The following RAC2 variants were observed in gnomAD, a reference collection of about 807,000 sequenced individuals.
RAC2 encodes the protein ras-related C3 botulinum toxin substrate 2.
RAC2 carries 1 observed loss-of-function variant against 24.0 expected under a neutral mutation model. That is an observed-to-expected ratio of 0.04 (90% CI 0.01 to 0.20). The LOEUF is 0.20. RAC2 is among the 10% of genes least tolerant of loss of function. The pLI, the probability that RAC2 is intolerant of heterozygous loss-of-function variation, is 1.00. For missense variants in RAC2, 130 were observed against 259.1 expected (o/e 0.50, Z 3.42); for synonymous variants, 114 against 106.8 (o/e 1.07, Z -0.41).
chr22:37,242,318 G>C (rs781473734), intron 1 of RAC2, among the ~76,000 whole-genome samples: 22 of 152,286 alleles, frequency 1.4e-4, no homozygotes, highest in Non-Finnish European at 2.6e-4. Flanking sequence ...GTGAGGCTTT[G>C]GGCAAATTAC....
At chr22:37,226,537 C>T (rs4820277) in intron 6 of RAC2, 134 bp downstream of exon 6, 65 of 1,200,250 alleles carry the variant, frequency 5.4e-5, no homozygotes, top group South Asian at 4.1e-4. Context: ...AAGTAGGCTG[C>T]GGAAACTGAG....
Position 37,232,000 on chromosome 22 carries a change from G to A in RAC2, c.226-6C>T. ...AAGCAGATGAGGAAGACGTCCTGGG[G>A]ACAGAGCAAGCGAGGTTGCTAGTGA... On this transcript the variant is annotated splice_region_variant and splice_polypyrimidine_tract_variant and intron_variant, in intron 3 of 6. Transcript: ENST00000249071. The surrounding 1 kb of genome is among the most constrained non-coding windows in gnomAD (Gnocchi z 5.5). 6.5e-7 allele frequency: 1 copy of A among 1,530,680 alleles called. No individual in the cohort carries two copies. The highest frequency in any genetic ancestry group is 1.2e-5 in the South Asian group (1 of 83,474). The allele number at this position is 1,530,680 out of a possible 1,614,324, so 94.8% of individuals were successfully genotyped here. A position where few individuals can be genotyped will look rare whatever the true frequency, so the allele number is the denominator to read the frequency against.
Position 37,231,841 on chromosome 22 carries a change from C to G in RAC2, c.288+91G>C. ...CCTCTCTGTATGCGACCTCTGCTGC[C>G]CCAGGGACCAGCCTAGAGTCACCAG... On this transcript the variant is annotated intron_variant, in intron 4 of 6. Transcript: ENST00000249071. The surrounding 1 kb of genome is among the most constrained non-coding windows in gnomAD (Gnocchi z 5.5). The G allele has an allele frequency of 7.0e-7, 1 of 1,436,684 alleles. No homozygotes were observed. The highest frequency in any genetic ancestry group is 1.2e-5 in the South Asian group (1 of 81,780). The allele number at this position is 1,436,684 out of a possible 1,614,324, so 89.0% of individuals were successfully genotyped here.
In RAC2 at chr22:37,226,844, CG is replaced by C. The variant is rs768166435; in HGVS notation, c.449-42del. 1.2e-4 allele frequency: 194 copies of C among 1,596,446 alleles called. 3 individuals carry two copies. The African/African-American group carries it at 1.3e-3, about 11-fold the overall frequency. Reference sequence around the variant, plus strand: ...GACAGGAGAGCCAAGGCCTAAGTGGCGGGGGGGGTTCTGGGCCAACATGTCT... The same window carrying C: ...GACAGGAGAGCCAAGGCCTAAGTGGCGGGGGGGTTCTGGGCCAACATGTCT... On this transcript the variant is annotated intron_variant, in intron 5 of 6. Transcript: ENST00000249071.
At chr22:37,228,078 C>T (rs1926938987) in intron 5 of RAC2, among the ~76,000 whole-genome samples, 1 of 152,190 alleles carries the variant, frequency 6.6e-6, no homozygotes, top group African/African-American at 2.4e-5. Context: ...CCCTCAGGGC[C>T]CCCTCCCCAG....
At chr22:37,226,627 C>A in intron 6 of RAC2, 44 bp downstream of exon 6, 1 of 1,605,888 alleles carries the variant, frequency 6.2e-7, no homozygotes, top group East Asian at 2.2e-5. Context: ...TCAGCCAGGG[C>A]CTGCTGTGTA....
intron 1 of RAC2, among the ~76,000 whole-genome samples, 167 bp downstream of exon 1, chr22:37,243,947 C>G (rs1301098675): frequency 6.6e-6 from 1 of 152,132 alleles, no homozygotes; most frequent in African/African-American, 2.4e-5. Flanking sequence ...CCTCAGCCCA[C>G]CCCCGGGTGC....
intron 2 of RAC2, among the ~76,000 whole-genome samples, chr22:37,237,185 CAGGAAGGAAGGA>C (rs892658974): frequency 8.0e-6 from 1 of 125,530 alleles, no homozygotes; most frequent in Non-Finnish European, 1.6e-5. Context: ...GAGACTCCGT[CAGGAAGGAAGGA>C]AGGAAGGGAG....
intron 5 of RAC2, among the ~76,000 whole-genome samples, chr22:37,229,411 CA>C (rs1438877676): frequency 6.6e-6 from 1 of 152,198 alleles, no homozygotes; most frequent in African/African-American, 2.4e-5. Context: ...AAGCCAGCAA[CA>C]TGTCCCCCCG....
chr22:37,234,072 G>A (rs1220360240), intron 2 of RAC2, among the ~76,000 whole-genome samples: 3 of 152,050 alleles, frequency 2.0e-5, no homozygotes, highest in Non-Finnish European at 4.4e-5. Context: ...GCCCTGCAGG[G>A]CCATCGAACG....
chr22:37,240,771 G>T (rs946695625), intron 2 of RAC2: 1 of 495,414 alleles, frequency 2.0e-6, no homozygotes, highest in African/African-American at 1.9e-5. Context: ...CCGGAGGAGG[G>T]GGCACTGGAG....
At position 37,241,703 on chromosome 22, in the gene RAC2, C is replaced by T. The variant is rs199795253; in HGVS notation, c.36-45G>A. 28 of 1,560,286 alleles carry T rather than the reference C, an allele frequency of 1.8e-5. No individual in the cohort carries two copies. The East Asian group carries it at 1.8e-4, about 10-fold the overall frequency. ...AGAGGGCGGCGGTCATGGGCTCTGC[C>T]GGAGACGTGGGGAGGTTTCTGCCTG... On this transcript the variant is annotated intron_variant, in intron 1 of 6. Transcript: ENST00000249071.
At chr22:37,233,278 TTTTG>T (rs1207160096) in intron 2 of RAC2, among the ~76,000 whole-genome samples, 1 of 144,208 alleles carries the variant, frequency 6.9e-6, no homozygotes, top group Non-Finnish European at 1.5e-5. Flanking sequence ...TTTTGTTGTT[TTTTG>T]TTTGTTTGTT....
At chr22:37,234,775 C>T (rs908245415) in intron 2 of RAC2, among the ~76,000 whole-genome samples, 1 of 152,174 alleles carries the variant, frequency 6.6e-6, no homozygotes, top group Non-Finnish European at 1.5e-5. Context: ...CTCCAGGCTG[C>T]CCAGCCCTCC....
chr22:37,237,600 G>T (rs146048269), intron 2 of RAC2, among the ~76,000 whole-genome samples: 3 of 152,108 alleles, frequency 2.0e-5, no homozygotes, highest in African/African-American at 7.2e-5. Flanking sequence ...GGCTGGATTC[G>T]CCAGTTTACC....
chr22:37,231,116 A>T lies in RAC2; in HGVS notation c.448+115T>A. On this transcript the variant is annotated intron_variant, in intron 5 of 6. Coordinates refer to ENST00000249071, the MANE Select transcript of RAC2 (RefSeq NM_002872.5). The surrounding 1 kb of genome is among the most constrained non-coding windows in gnomAD (Gnocchi z 5.5). ...AGGTCACACAGCAAGTGCACAGCACAGCTGAGTTCAAACTGCACAGCCTGG... is the reference window on the plus strand; with the variant it reads ...AGGTCACACAGCAAGTGCACAGCACTGCTGAGTTCAAACTGCACAGCCTGG... 1 of 1,280,520 alleles carries T rather than the reference A, an allele frequency of 7.8e-7. No homozygotes were observed. The highest frequency in any genetic ancestry group is 2.3e-5 in the East Asian group (1 of 42,642). 79.3% of individuals were successfully genotyped at this position (1,280,520 alleles called of 1,614,324 possible).
chr22:37,233,779 G>C (rs1286456168), intron 2 of RAC2, among the ~76,000 whole-genome samples: 1 of 152,230 alleles, frequency 6.6e-6, no homozygotes, highest in Non-Finnish European at 1.5e-5. Context: ...GCTGTGGACT[G>C]CTGCTGCTCT....
Position 37,242,732 on chromosome 22 carries a change from A to G in RAC2, c.36-1074T>C, listed in dbSNP as rs1251861830. On this transcript the variant is annotated intron_variant, in intron 1 of 6. Transcript: ENST00000249071. ...ACAGGGCTGGGGCAGGCGAGGGCAG[A>G]TAAGGAGCCATGCATCAGAATCAGC... is the stretch of plus-strand genomic sequence containing the variant. 5.3e-5 allele frequency among the ~76,000 whole-genome samples: 8 copies of G among 152,350 alleles called. 1 individual carries two copies. Among genetic ancestry groups the G allele is most frequent in the African/African-American group, 1.9e-4 (8 of 41,574 alleles).
intron 5 of RAC2, among the ~76,000 whole-genome samples, chr22:37,227,893 G>A (rs951160493): frequency 6.6e-6 from 1 of 152,200 alleles, no homozygotes. Context: ...TGTCTTTCTT[G>A]GACACATAGC....
Sources: allele counts gnomAD v4.1 joint callset (sites outside exome capture counted in the v4.1 genomes callset), GRCh38; gene constraint gnomAD v4.1.1; non-coding constraint Gnocchi (gnomAD v3.1); transcripts MANE v1.5; gene names NCBI Gene and HGNC (gene_info 2026-07-23, HGNC 2026-07-21).